The following BCAR3 variants were observed in gnomAD, a reference collection of about 807,000 sequenced individuals.
The protein encoded by BCAR3 is breast cancer anti-estrogen resistance protein 3.
In BCAR3, 37 loss-of-function variants were observed where a neutral mutation model predicts 80.1. The ratio of observed to expected loss-of-function variants is 0.46; its 90% CI spans 0.36 to 0.61. BCAR3 has a LOEUF of 0.61. Among genes scored for constraint, BCAR3 ranks in the 20% least tolerant of loss-of-function variants. The pLI, the probability that BCAR3 is intolerant of heterozygous loss-of-function variation, is 0.00. For missense variants in BCAR3, 978 were observed against 1,068.2 expected, an observed-to-expected ratio of 0.92 and a Z score of 1.18; for synonymous variants, 389 against 418.9, an observed-to-expected ratio of 0.93 and a Z score of 0.87.
At chr1:93,580,403 G>A (rs555632175) in intron 7 of BCAR3, among the ~76,000 whole-genome samples, 50 of 151,862 alleles carry the variant, frequency 3.3e-4, no homozygotes, top group Non-Finnish European at 5.3e-4. Context: ...AAGATGGACC[G>A]AGCCCACCAT....
At chr1:93,725,568 T>C (rs10782965) in intron 2 of BCAR3, among the ~76,000 whole-genome samples, 127,719 of 152,122 alleles carry the variant, frequency 0.84, 53,906 homozygotes, top group South Asian at 0.89. Flanking sequence ...TGTGTATCTC[T>C]CAGTTTGGGG....
intron 2 of BCAR3, among the ~76,000 whole-genome samples, chr1:93,768,249 CT>C (rs1250825130): frequency 6.9e-6 from 1 of 145,080 alleles, no homozygotes; most frequent in African/African-American, 2.8e-5. Context: ...GCTCAAAAGA[CT>C]GAGTGAATGT....
At chr1:93,613,708 G>A (rs1675021905) in intron 3 of BCAR3, 2 of 1,033,720 alleles carry the variant, frequency 1.9e-6, no homozygotes, top group East Asian at 2.6e-5. Flanking sequence ...GGCTCTTGAA[G>A]ACCCATCAGT....
chr1:93,672,985 A>G (rs989190043), intron 2 of BCAR3, among the ~76,000 whole-genome samples: 2 of 152,192 alleles, frequency 1.3e-5, no homozygotes, highest in African/African-American at 2.4e-5. Context: ...GTTTTCAAAC[A>G]TGCCAAACTT....
At chr1:93,720,898 T>C (rs1650371754) in intron 2 of BCAR3, among the ~76,000 whole-genome samples, 1 of 150,602 alleles carries the variant, frequency 6.6e-6, no homozygotes, top group Non-Finnish European at 1.5e-5. Context: ...GCTCTCATGG[T>C]GTCTGCCTGC....
chr1:93,715,411 AG>A (rs1322366508), intron 2 of BCAR3, among the ~76,000 whole-genome samples: 11 of 152,246 alleles, frequency 7.2e-5, no homozygotes, highest in African/African-American at 2.4e-4. Context: ...CCTTTGCAGT[AG>A]GCAGGACCAT....
rs570384001 is a variant in BCAR3 at position 93,719,485 on chromosome 1, C to T, written c.-62-13343G>A. On this transcript the variant is annotated intron_variant, in intron 2 of 13. Coordinates refer to the BCAR3 transcript ENST00000370244. ...CCTCCCGAGTAGCTGGGACTACAGG[C>T]GCCCACCACCACGCCCGGCTAATTT... Among the ~76,000 whole-genome samples the T allele has an allele frequency of 6.6e-5, 10 of 151,794 alleles. No homozygotes were observed. In the South Asian group the frequency reaches 1.7e-3, roughly 25 times the overall value.
chr1:93,803,447 A>T (rs904425097), intron 2 of BCAR3, among the ~76,000 whole-genome samples: 11 of 152,048 alleles, frequency 7.2e-5, no homozygotes, highest in African/African-American at 2.7e-4. Flanking sequence ...AGGATTTACT[A>T]CTCCTTTTAC....
In BCAR3 at chr1:93,600,192, G is replaced by A. The variant is rs146628507; in HGVS notation, c.358-7799C>T. 1.3e-3 allele frequency among the ~76,000 whole-genome samples: 198 copies of A among 152,346 alleles called. 1 individual carries two copies. Among genetic ancestry groups the A allele is most frequent in the African/African-American group, 4.6e-3 (190 of 41,592 alleles). Reference sequence around the variant, plus strand: ...GGGTTCGGGCCTGGTCCCTGGGGGCGCAGACCCCAGTCCTGCCCTGTTCCT... The same window carrying A: ...GGGTTCGGGCCTGGTCCCTGGGGGCACAGACCCCAGTCCTGCCCTGTTCCT... On this transcript the variant is annotated intron_variant, in intron 3 of 11. Transcript: ENST00000260502.
At chr1:93,568,994 C>A (rs552513386) in intron 9 of BCAR3, among the ~76,000 whole-genome samples, 15 of 152,244 alleles carry the variant, frequency 9.9e-5, no homozygotes, top group African/African-American at 3.4e-4. Context: ...CTACTCATTT[C>A]TTTTCTTCTG....
intron 2 of BCAR3, among the ~76,000 whole-genome samples, chr1:93,797,555 T>C (rs548607571): frequency 2.0e-5 from 3 of 152,252 alleles, no homozygotes; most frequent in South Asian, 4.1e-4. Flanking sequence ...CATGGGATAA[T>C]TGACATATTA....
upstream of BCAR3, among the ~76,000 whole-genome samples, chr1:93,683,847 G>A (rs1282380367): frequency 6.6e-6 from 1 of 152,154 alleles, no homozygotes; most frequent in Non-Finnish European, 1.5e-5. Context: ...ATTAATCCAT[G>A]TCATTTTATA....
rs185907919 is a variant in BCAR3, at chr1:93,718,468, G to A, written c.-62-12326C>T. 4.9e-3 allele frequency among the ~76,000 whole-genome samples: 741 copies of A among 152,222 alleles called. 12 individuals carry two copies. Among genetic ancestry groups the A allele is most frequent in the Non-Finnish European group, 4.2e-3 (288 of 68,006 alleles). ...ATGGGAGAAGGGCAGGGATTCTGGGGTCAGGCTTAACTACTGGCTCTGCCA... is the reference window on the plus strand; with the variant it reads ...ATGGGAGAAGGGCAGGGATTCTGGGATCAGGCTTAACTACTGGCTCTGCCA... On this transcript the variant is annotated intron_variant, in intron 2 of 13. Coordinates refer to the BCAR3 transcript ENST00000370244.
chr1:93,665,534 C>G (rs1647862700), intron 2 of BCAR3, among the ~76,000 whole-genome samples: 1 of 152,116 alleles, frequency 6.6e-6, no homozygotes, highest in Admixed American at 6.5e-5. Context: ...TGAGGTCGTT[C>G]TTAGGGTTCC....
chr1:93,724,496 C>T (rs1243034672), intron 2 of BCAR3, among the ~76,000 whole-genome samples: 1 of 152,214 alleles, frequency 6.6e-6, no homozygotes, highest in Non-Finnish European at 1.5e-5. Flanking sequence ...CAGAAAGCTG[C>T]CGTAGATTCT....
intron 3 of BCAR3, among the ~76,000 whole-genome samples, chr1:93,597,922 G>T (rs917106804): frequency 6.6e-6 from 1 of 152,212 alleles, no homozygotes; most frequent in Non-Finnish European, 1.5e-5. Context: ...CTGGCTCCAA[G>T]AAATCATAAA....
chr1:93,710,370 C>G (rs1649978608), intron 2 of BCAR3, among the ~76,000 whole-genome samples: 1 of 152,192 alleles, frequency 6.6e-6, no homozygotes, highest in Non-Finnish European at 1.5e-5. Flanking sequence ...CCCTTTGCCT[C>G]TTCCCTTGGA....
At chr1:93,591,492 C>A (rs539724717) in intron 4 of BCAR3, among the ~76,000 whole-genome samples, 1 of 152,010 alleles carries the variant, frequency 6.6e-6, no homozygotes, top group South Asian at 2.1e-4. Flanking sequence ...AGAAAAAAAA[C>A]TTACGACATG....
intron 3 of BCAR3, chr1:93,614,045 C>T: frequency 6.8e-7 from 1 of 1,460,696 alleles, no homozygotes; most frequent in Non-Finnish European, 9.0e-7. Flanking sequence ...GCCCAGAAGT[C>T]AGGGAAGTCG....
Sources: allele counts gnomAD v4.1 joint callset (sites outside exome capture counted in the v4.1 genomes callset), GRCh38; gene constraint gnomAD v4.1.1; transcripts MANE v1.5; gene names NCBI Gene and HGNC (gene_info 2026-07-23, HGNC 2026-07-21).